Variants in PCM1 observed in about 807,000 individuals in gnomAD.
PCM1 encodes the protein pericentriolar material 1, also known as pericentriolar material 1 protein.
In PCM1, 157 loss-of-function variants were observed where a neutral mutation model predicts 241.9. The observed-to-expected ratio is 0.65, with a 90% CI of 0.57 to 0.74. The LOEUF (loss-of-function observed/expected upper bound fraction) is 0.74, where lower values mean the gene tolerates loss of function less well. PCM1 is among the 30% of genes least tolerant of loss of function. The pLI is 0.00. For missense variants in PCM1, 3,478 were observed against 2,360.1 expected (o/e 1.47, Z -9.81); for synonymous variants, 1,085 against 784.9 (o/e 1.38, Z -6.39).
intron 23 of PCM1, among the ~76,000 whole-genome samples, chr8:17,976,627 T>C (rs138615656): frequency 5.9e-5 from 9 of 152,338 alleles, no homozygotes; most frequent in Non-Finnish European, 1.3e-4. Context: ...TCTTTGGACA[T>C]GTGCAAGGTC....
At chr8:18,005,634 C>T (rs1296732944) in intron 29 of PCM1, among the ~76,000 whole-genome samples, 1 of 152,112 alleles carries the variant, frequency 6.6e-6, no homozygotes, top group African/African-American at 2.4e-5. Flanking sequence ...ACACATGCTT[C>T]TCAAGGAAGT....
At chr8:17,982,315 G>A (rs1016279595) in intron 24 of PCM1, among the ~76,000 whole-genome samples, 9 of 152,036 alleles carry the variant, frequency 5.9e-5, no homozygotes, top group Admixed American at 1.3e-4. Context: ...GTCGAAGAAG[G>A]ACACTAAACT....
At chr8:17,925,192 C>T (rs901084215) in intron 2 of PCM1, 1 of 152,098 alleles carries the variant, frequency 6.6e-6, no homozygotes, top group African/African-American at 2.4e-5. Context: ...ATACCTTGAC[C>T]GAAATTTAGT....
chr8:17,937,112 T>C, intron 3 of PCM1, 22 bp from the exon 4 acceptor site: 1 of 1,528,412 alleles, frequency 6.5e-7, no homozygotes, highest in Non-Finnish European at 8.8e-7. Context: ...CCATGTTAAT[T>C]TTTGCTTTTA....
intron 2 of PCM1, chr8:17,926,817 G>A (rs931575023): frequency 6.6e-6 from 1 of 152,214 alleles, no homozygotes; most frequent in African/African-American, 2.4e-5. Flanking sequence ...GGAATCAAGT[G>A]AGAGAAGTAG....
chr8:17,948,206 C>G (rs1204451446), intron 7 of PCM1, among the ~76,000 whole-genome samples: 2 of 151,758 alleles, frequency 1.3e-5, no homozygotes, highest in Non-Finnish European at 2.9e-5. Context: ...CTGTCCAAAC[C>G]TAGCCCACTG....
chr8:17,969,456 T>G, intron 21 of PCM1, 121 bp from the exon 22 acceptor site: 1 of 717,448 alleles, frequency 1.4e-6, no homozygotes, highest in Non-Finnish European at 2.2e-6. Flanking sequence ...TTTTTTTTAA[T>G]TAACAGTTTT....
intron 11 of PCM1, among the ~76,000 whole-genome samples, 196 bp downstream of exon 11, chr8:17,956,973 AT>A (rs2068808274): frequency 6.6e-6 from 1 of 152,186 alleles, no homozygotes; most frequent in Non-Finnish European, 1.5e-5. Context: ...AGTTCAGTAA[AT>A]TTGCCCTTTG....
At chr8:17,948,294 CTTTTTTTTTT>C (rs550672840) in intron 7 of PCM1, among the ~76,000 whole-genome samples, 59 of 64,008 alleles carry the variant, frequency 9.2e-4, no homozygotes, top group African/African-American at 3.0e-3. Context: ...CAAATAACCT[CTTTTTTTTTT>C]TTTTTTTTTT....
At chr8:17,940,757 C>G (rs913767029) in intron 6 of PCM1, among the ~76,000 whole-genome samples, 2 of 152,092 alleles carry the variant, frequency 1.3e-5, no homozygotes, top group African/African-American at 4.8e-5. Context: ...TACTGTTTTT[C>G]TGAAGAATAG....
chr8:17,931,572 C>T (rs549879759), intron 2 of PCM1, among the ~76,000 whole-genome samples: 223 of 152,232 alleles, frequency 1.5e-3, no homozygotes, highest in Non-Finnish European at 2.9e-3. Flanking sequence ...ATTTATCTTA[C>T]TTTACTATTA....
At chr8:17,976,379 T>G (rs2078778169) in intron 23 of PCM1, among the ~76,000 whole-genome samples, 1 of 152,196 alleles carries the variant, frequency 6.6e-6, no homozygotes, top group South Asian at 2.1e-4. Flanking sequence ...CTAAGCCTGT[T>G]TAGTCTGCAA....
intron 28 of PCM1, among the ~76,000 whole-genome samples, 163 bp downstream of exon 28, chr8:17,991,863 T>G (rs1193200621): frequency 6.6e-6 from 1 of 152,102 alleles, no homozygotes; most frequent in Admixed American, 6.6e-5. Context: ...CTTCCCACCC[T>G]TTCCCCTGAA....
In PCM1 at chr8:17,938,942, A is replaced by G. The variant is rs1372146825; in HGVS notation, c.545A>G (p.Asp182Gly). ...TTGTTTGCTTCTGCTTTAAGTAATG[A>G]CCTCTTGCAAAACTGTCAGGTGTCT... ...KELFASALSNDLLQNCQVSEE... is the reference protein window; with the variant it reads ...KELFASALSNGLLQNCQVSEE... Residue 182 changes from aspartate to glycine, a missense_variant, in exon 5 of 39, where the codon GAC becomes GGC. Physicochemically the swap from Asp to Gly is moderately conservative, Grantham distance 94. Transcript: ENST00000325083. 7.4e-6 allele frequency: 12 copies of G among 1,613,592 alleles called. No individual in the cohort carries two copies. The highest frequency in any genetic ancestry group is 6.8e-6 in the Non-Finnish European group (8 of 1,179,650).
intron 30 of PCM1, among the ~76,000 whole-genome samples, chr8:18,008,671 G>A (rs547624640): frequency 2.0e-5 from 3 of 152,260 alleles, no homozygotes; most frequent in South Asian, 2.1e-4. Context: ...ATTAGTTGAG[G>A]TGATGTTTTT....
chr8:17,933,277 C>G (rs1413177726), intron 2 of PCM1, among the ~76,000 whole-genome samples: 1 of 152,128 alleles, frequency 6.6e-6, no homozygotes, highest in African/African-American at 2.4e-5. Flanking sequence ...TGTTCCTGAG[C>G]TAGTACTGAT....
intron 23 of PCM1, among the ~76,000 whole-genome samples, chr8:17,978,464 A>G (rs1031263006): frequency 1.3e-5 from 2 of 151,966 alleles, no homozygotes; most frequent in Non-Finnish European, 2.9e-5. Flanking sequence ...AAAATCCTCT[A>G]AGCTTCCATA....
chr8:17,963,833 G>A (rs1285260711), intron 17 of PCM1, among the ~76,000 whole-genome samples: 1 of 152,110 alleles, frequency 6.6e-6, no homozygotes, highest in African/African-American at 2.4e-5. Flanking sequence ...ATATAGATTT[G>A]TTTATGACCT....
In PCM1 at chr8:17,962,098, C is replaced by G; in HGVS notation, c.2387C>G (p.Pro796Arg). 1 of 1,611,540 alleles carries G rather than the reference C, an allele frequency of 6.2e-7. No individual in the cohort carries two copies. Among genetic ancestry groups the G allele is most frequent in the Non-Finnish European group, 8.5e-7 (1 of 1,178,458 alleles). ...TATATGCCAGCTGTTACTTCAACCC[C>G]AACTGTTAATCAACACGAGACCAGT... ...KKYMPAVTST[P>R]TVNQHETSTS... is the part of the protein sequence containing the mutation. The change falls in exon 16 of 39, where the codon CCA becomes CGA. Residue 796 changes from proline (P) to arginine (R), a missense_variant. Physicochemically the swap from Pro to Arg is moderately radical, Grantham distance 103. Transcript: ENST00000325083.
Sources: allele counts gnomAD v4.1 joint callset (sites outside exome capture counted in the v4.1 genomes callset), GRCh38; gene constraint gnomAD v4.1.1; transcripts MANE v1.5; gene names NCBI Gene and HGNC (gene_info 2026-07-23, HGNC 2026-07-21).